The following GALNTL6 variants were observed in gnomAD, a reference collection of about 807,000 sequenced individuals.
GALNTL6 encodes the protein polypeptide N-acetylgalactosaminyltransferase like 6.
A neutral mutation model predicts 73.7 loss-of-function variants in GALNTL6; 46 were observed. The observed-to-expected ratio is 0.62, with a 90% CI of 0.49 to 0.80. The LOEUF is 0.80. Among genes scored for constraint, GALNTL6 ranks in the 30% least tolerant of loss-of-function variants. The pLI is 0.00. For missense variants in GALNTL6, 604 were observed against 755.0 expected, an observed-to-expected ratio of 0.80 and a Z score of 2.34; for synonymous variants, 259 against 263.7, an observed-to-expected ratio of 0.98 and a Z score of 0.17.
At chr4:172,088,690 G>T (rs1394602026) in intron 2 of GALNTL6, among the ~76,000 whole-genome samples, 1 of 152,102 alleles carries the variant, frequency 6.6e-6, no homozygotes, top group East Asian at 1.9e-4. Context: ...CATCTTTTCT[G>T]GTTAATGAAA....
intron 2 of GALNTL6, among the ~76,000 whole-genome samples, chr4:172,165,484 C>A (rs2110803531): frequency 6.6e-6 from 1 of 152,240 alleles, no homozygotes; most frequent in Admixed American, 6.5e-5. Context: ...GAAACACATT[C>A]AATGACTTAC....
At chr4:172,547,924 G>T (rs1370000109) in intron 5 of GALNTL6, among the ~76,000 whole-genome samples, 2 of 152,156 alleles carry the variant, frequency 1.3e-5, no homozygotes, top group African/African-American at 4.8e-5. Flanking sequence ...TAGCAGTAAA[G>T]AGCCCCAGTG....
intron 8 of GALNTL6, among the ~76,000 whole-genome samples, chr4:172,907,758 A>T: frequency 6.6e-6 from 1 of 152,210 alleles, no homozygotes; most frequent in South Asian, 2.1e-4. Context: ...TTGCAGTTTA[A>T]GGTGTGACAG....
intron 5 of GALNTL6, among the ~76,000 whole-genome samples, chr4:172,394,384 A>G (rs148550870): frequency 1.3e-5 from 2 of 151,150 alleles, no homozygotes; most frequent in African/African-American, 4.9e-5. Flanking sequence ...AAAGCCATAT[A>G]TACAGAAATT....
chr4:172,427,015 T>G (rs1176378173), intron 5 of GALNTL6, among the ~76,000 whole-genome samples: 4 of 152,156 alleles, frequency 2.6e-5, no homozygotes, highest in Admixed American at 6.6e-5. Context: ...TATGTAATTA[T>G]GCATAAATTA....
intron 5 of GALNTL6, among the ~76,000 whole-genome samples, chr4:172,474,773 GAA>G (rs1163439788): frequency 6.6e-6 from 1 of 152,120 alleles, no homozygotes; most frequent in Non-Finnish European, 1.5e-5. Context: ...TGGAATGAAT[GAA>G]AGTTTTTCTC....
intron 5 of GALNTL6, among the ~76,000 whole-genome samples, chr4:172,480,853 T>G (rs1263886467): frequency 6.6e-6 from 1 of 152,192 alleles, no homozygotes; most frequent in East Asian, 1.9e-4. Context: ...TTCCTCCATG[T>G]GATCTCATGT....
At chr4:172,317,916 A>T (rs1251822646) in intron 4 of GALNTL6, among the ~76,000 whole-genome samples, 1 of 152,202 alleles carries the variant, frequency 6.6e-6, no homozygotes, top group African/African-American at 2.4e-5. Flanking sequence ...AACTAAAATG[A>T]CTGTTCATGC....
intron 2 of GALNTL6, among the ~76,000 whole-genome samples, chr4:172,184,125 A>G (rs567137273): frequency 6.6e-6 from 1 of 152,272 alleles, no homozygotes; most frequent in Non-Finnish European, 1.5e-5. Context: ...TATAGCAGAC[A>G]TTCTTGAAGG....
At chr4:171,819,851 A>T (rs563998324) in intron 2 of GALNTL6, among the ~76,000 whole-genome samples, 2 of 152,256 alleles carry the variant, frequency 1.3e-5, no homozygotes, top group South Asian at 2.1e-4. Flanking sequence ...GAAACATCAG[A>T]TCTTTAAAAC....
At chr4:172,828,538 G>C (rs1376982568) in intron 7 of GALNTL6, among the ~76,000 whole-genome samples, 1 of 151,980 alleles carries the variant, frequency 6.6e-6, no homozygotes, top group Non-Finnish European at 1.5e-5. Flanking sequence ...TGTATGATCT[G>C]ATCACCATCA....
chr4:172,359,448 C>T (rs1030929615), intron 5 of GALNTL6, among the ~76,000 whole-genome samples: 2 of 152,174 alleles, frequency 1.3e-5, no homozygotes, highest in East Asian at 3.9e-4. Flanking sequence ...TACAACAAAT[C>T]CCTATGACAT....
At chr4:172,409,962 A>G (rs951384459) in intron 5 of GALNTL6, among the ~76,000 whole-genome samples, 1 of 152,058 alleles carries the variant, frequency 6.6e-6, no homozygotes, top group African/African-American at 2.4e-5. Flanking sequence ...TATGTGAAAC[A>G]GGTAGAAACC....
intron 5 of GALNTL6, among the ~76,000 whole-genome samples, chr4:172,679,205 A>T (rs1337937669): frequency 6.6e-6 from 1 of 152,184 alleles, no homozygotes; most frequent in African/African-American, 2.4e-5. Context: ...TGAGGCCAGG[A>T]GTTCAAAACC....
intron 8 of GALNTL6, among the ~76,000 whole-genome samples, chr4:172,920,543 C>T (rs1263320593): frequency 6.6e-6 from 1 of 152,078 alleles, no homozygotes; most frequent in Non-Finnish European, 1.5e-5. Flanking sequence ...CTAAGTTATA[C>T]CATACAATTA....
intron 2 of GALNTL6, among the ~76,000 whole-genome samples, chr4:171,850,828 G>A (rs568686535): frequency 6.6e-6 from 1 of 152,244 alleles, no homozygotes; most frequent in South Asian, 2.1e-4. Flanking sequence ...GGTCTGTTCA[G>A]TCTGCTGGGG....
At chr4:172,464,716 A>C (rs1464875299) in intron 5 of GALNTL6, among the ~76,000 whole-genome samples, 2 of 151,820 alleles carry the variant, frequency 1.3e-5, no homozygotes, top group African/African-American at 4.8e-5. Context: ...CTCAAAAATA[A>C]TAATAATAAT....
intron 5 of GALNTL6, among the ~76,000 whole-genome samples, chr4:172,615,840 C>G (rs1738707245): frequency 6.6e-6 from 1 of 152,028 alleles, no homozygotes; most frequent in African/African-American, 2.4e-5. Context: ...AATCTGGTCC[C>G]CAAAGGTAAG....
intron 2 of GALNTL6, among the ~76,000 whole-genome samples, chr4:171,900,399 C>A (rs556832610): frequency 4.5e-4 from 69 of 152,128 alleles, no homozygotes; most frequent in African/African-American, 1.6e-3. Context: ...CCTCTGCCTC[C>A]CAGGTTCAAG....
Sources: allele counts gnomAD v4.1 joint callset (sites outside exome capture counted in the v4.1 genomes callset), GRCh38; gene constraint gnomAD v4.1.1; transcripts MANE v1.5; gene names NCBI Gene and HGNC (gene_info 2026-07-23, HGNC 2026-07-21).